PKD1L1: variants seen among roughly 807,000 people sequenced by gnomAD.
PKD1L1 encodes polycystin 1 like 1, transient receptor potential channel interacting.
Under a neutral mutation model 323.4 loss-of-function variants are expected in PKD1L1, and 236 were observed. The ratio of observed to expected loss-of-function variants is 0.73; its 90% CI spans 0.66 to 0.81. PKD1L1 has a LOEUF of 0.81. Among genes scored for constraint, PKD1L1 ranks in the 40% least tolerant of loss-of-function variants. PKD1L1 has a pLI of 0.00. For missense variants in PKD1L1, 3,320 were observed against 3,508.0 expected (o/e 0.95, Z 1.35); for synonymous variants, 1,344 against 1,335.0 (o/e 1.01, Z -0.15).
chr7:47,822,686 T>A (rs150989816), intron 45 of PKD1L1, among the ~76,000 whole-genome samples: 2 of 151,208 alleles, frequency 1.3e-5, no homozygotes, highest in African/African-American at 4.9e-5. Flanking sequence ...CATTACTGAG[T>A]CCTCCAATCA....
At chr7:47,904,208 C>G (rs1787150102) in intron 12 of PKD1L1, among the ~76,000 whole-genome samples, 170 bp downstream of exon 12, 1 of 152,212 alleles carries the variant, frequency 6.6e-6, no homozygotes, top group African/African-American at 2.4e-5. Flanking sequence ...TTCCCCTGGA[C>G]TAGGAGCTCC....
chr7:47,849,595 A>T (rs890590054), intron 31 of PKD1L1, among the ~76,000 whole-genome samples: 2 of 152,200 alleles, frequency 1.3e-5, no homozygotes, highest in South Asian at 4.1e-4. Context: ...ACTCAACACC[A>T]CTAAGTAATA....
At chr7:47,859,017 T>C (rs1462595355) in intron 26 of PKD1L1, 132 bp from the exon 27 acceptor site, 2 of 1,130,318 alleles carry the variant, frequency 1.8e-6, no homozygotes, top group Non-Finnish European at 2.5e-6. Flanking sequence ...AAGTGCCTCA[T>C]GGCATATGAT....
At chr7:47,864,605 TTTCTTTCTTTC>T (rs1416549881) in intron 26 of PKD1L1, among the ~76,000 whole-genome samples, 1 of 108,910 alleles carries the variant, frequency 9.2e-6, no homozygotes, top group East Asian at 2.4e-4. Context: ...TCTTTCTTTC[TTTCTTTCTTTC>T]TTTCTTTCTT....
rs1031333799 is a variant in PKD1L1, at chr7:47,802,597, G to T, written c.7962+613C>A. Among the ~76,000 whole-genome samples the T allele has an allele frequency of 4.6e-5, 7 of 152,296 alleles. No individual in the cohort carries two copies. In the East Asian group the frequency reaches 1.4e-3, roughly 29 times the overall value. The stretch of plus-strand genomic sequence containing the variant: ...GGCACTTGGCCTAGACTTTCCCTCA[G>T]CCCTGATTGCAATTCTTTGCTGTAC... On this transcript the variant is annotated intron_variant, in intron 53 of 56. Coordinates refer to ENST00000289672, the MANE Select transcript of PKD1L1 (RefSeq NM_138295.5).
At chr7:47,943,161 A>T (rs866119031) in intron 2 of PKD1L1, among the ~76,000 whole-genome samples, 1 of 85,042 alleles carries the variant, frequency 1.2e-5, no homozygotes, top group African/African-American at 4.1e-5. Context: ...AAAAAAAAAA[A>T]AAATATATAT....
chr7:47,793,873 T>C (rs13239205), intron 55 of PKD1L1, among the ~76,000 whole-genome samples: 13,797 of 152,136 alleles, frequency 0.091, 738 homozygotes, highest in Middle Eastern at 0.14. Context: ...ATAAGGAACT[T>C]GTTGGGAACT....
At chr7:47,846,222 G>T (rs1034401448) in intron 32 of PKD1L1, among the ~76,000 whole-genome samples, 1 of 152,114 alleles carries the variant, frequency 6.6e-6, no homozygotes, top group African/African-American at 2.4e-5. Flanking sequence ...ACTAATAATT[G>T]TTTATCCTAA....
chr7:47,863,925 A>C (rs1786090485), intron 26 of PKD1L1, among the ~76,000 whole-genome samples: 1 of 152,190 alleles, frequency 6.6e-6, no homozygotes, highest in Non-Finnish European at 1.5e-5. Context: ...TCACTTTTTA[A>C]ATGCTCTGCT....
intron 27 of PKD1L1, among the ~76,000 whole-genome samples, chr7:47,858,245 C>A (rs1216181118): frequency 6.6e-6 from 1 of 152,056 alleles, no homozygotes; most frequent in East Asian, 1.9e-4. Flanking sequence ...TCCAAAGTTA[C>A]CAGAGCAGAA....
chr7:47,827,527 T>C, intron 44 of PKD1L1, 59 bp from the exon 45 acceptor site: 2 of 1,423,568 alleles, frequency 1.4e-6, no homozygotes, highest in Admixed American at 1.9e-5. Flanking sequence ...GAGAGGCCCC[T>C]GGTGCTCCTG....
Position 47,911,782 on chromosome 7 carries a change from A to G in PKD1L1, c.1229-3532T>C, listed in dbSNP as rs537876691. Among the ~76,000 whole-genome samples the G allele has an allele frequency of 2.6e-5, 4 of 152,324 alleles. No homozygotes were observed. In the East Asian group the frequency reaches 7.7e-4, roughly 29 times the overall value. On this transcript the variant is annotated intron_variant, in intron 8 of 56. Coordinates refer to ENST00000289672, the MANE Select transcript of PKD1L1 (RefSeq NM_138295.5). ...AGGAAGAAAACAGAAAACGTCCTAA[A>G]GTGAGAACTCAGTTGCCAAAGGGCT...
chr7:47,837,096 T>C lies in PKD1L1; in HGVS notation c.5770-2A>G, dbSNP rs1785475757. The stretch of plus-strand genomic sequence containing the variant: ...CTCTGTGAACTTGCAATAGAAAAGC[T>C]GAAACGGAAAGCAGGAGAAGTGTTC... On this transcript the variant is annotated splice_acceptor_variant, in intron 36 of 56. Transcript: ENST00000289672. LOFTEE classifies it high-confidence loss of function. 6.2e-7 allele frequency: 1 copy of C among 1,613,728 alleles called. No individual in the cohort carries two copies.
chr7:47,936,959 C>A lies in PKD1L1; in HGVS notation c.286-1G>T, dbSNP rs1207601735. ...CTTCACTAGTTGTTTTCCAAATGTT[C>A]TGTAAGAAAAAATAATAAAATAATG... On this transcript the variant is annotated splice_acceptor_variant, in intron 3 of 56. Transcript: ENST00000289672. LOFTEE classifies it high-confidence loss of function. The A allele has an allele frequency of 1.2e-6, 2 of 1,600,400 alleles. No individual in the cohort carries two copies. The highest frequency in any genetic ancestry group is 1.1e-5 in the South Asian group (1 of 88,430).
chr7:47,779,506 C>A (rs12669829), intron 56 of PKD1L1, among the ~76,000 whole-genome samples: 44,121 of 152,048 alleles, frequency 0.29, 6,738 homozygotes, highest in East Asian at 0.57. Flanking sequence ...TGGTCAGATT[C>A]TCTAATTACT....
At chr7:47,871,275 A>G (rs1786276247) in intron 24 of PKD1L1, among the ~76,000 whole-genome samples, 1 of 152,170 alleles carries the variant, frequency 6.6e-6, no homozygotes. Context: ...TTATAATAAA[A>G]TACCTGAGAC....
chr7:47,869,062 G>T (rs1786227169), intron 24 of PKD1L1, among the ~76,000 whole-genome samples: 3 of 152,106 alleles, frequency 2.0e-5, no homozygotes, highest in African/African-American at 7.2e-5. Context: ...GTAGTTTCTA[G>T]TAAGTTAAGG....
chr7:47,797,388 T>C (rs1001714068), intron 54 of PKD1L1, among the ~76,000 whole-genome samples: 10 of 152,254 alleles, frequency 6.6e-5, no homozygotes, highest in African/African-American at 1.2e-4. Flanking sequence ...TGTGGTCATA[T>C]GTTTGTTCTT....
chr7:47,884,623 T>C lies in PKD1L1; in HGVS notation c.3240A>G (p.Ala1080=). 6.2e-7 allele frequency: 1 copy of C among 1,614,068 alleles called. No homozygotes were observed. Among genetic ancestry groups the C allele is most frequent in the Non-Finnish European group, 8.5e-7 (1 of 1,179,912 alleles). ...CTGGCTGTCTTCCTCCCGATGGTAT[T>C]GCTTCTTGAATGTCACTGTAATAGG... ...FEAYYSDIQE[A]IPSGGRQPAK... is the part of the protein sequence containing the mutation. Residue 1080 remains alanine (A), a synonymous_variant, in exon 19 of 57, where the codon GCA becomes GCG. Transcript: ENST00000289672.
Sources: gnomAD v4.1 joint callset for allele counts (sites outside exome capture counted in the v4.1 genomes callset) on GRCh38, gnomAD v4.1.1 for gene constraint, MANE v1.5 for transcripts, NCBI Gene and HGNC (gene_info 2026-07-23, HGNC 2026-07-21) for gene names.